EBF4: variants seen among roughly 807,000 people sequenced by gnomAD.
EBF4 encodes the protein EBF transcription factor 4.
In EBF4, 34 loss-of-function variants were observed where a neutral mutation model predicts 67.1. The ratio of observed to expected loss-of-function variants is 0.51; its 90% CI spans 0.39 to 0.67. EBF4 has a LOEUF of 0.67. Ranked by LOEUF, EBF4 falls within the 30% of genes least tolerant of loss-of-function variation. The pLI is 0.00. For synonymous variants in EBF4, 387 were observed against 377.7 expected (o/e 1.02, Z -0.29); for missense variants, 837 against 873.3 (o/e 0.96, Z 0.52).
chr20:2,709,511 A>G, intron 5 of EBF4, 63 bp from the exon 6 acceptor site: 1 of 1,467,146 alleles, frequency 6.8e-7, no homozygotes, highest in South Asian at 1.3e-5. Flanking sequence ...CACAACTCAC[A>G]CACTGTCGTG....
Position 2,709,494 on chromosome 20 carries a change from C to G in EBF4, c.489-80C>G, listed in dbSNP as rs375371377. 24 of 1,344,568 alleles carry G rather than the reference C, an allele frequency of 1.8e-5. No homozygotes were observed. The East Asian group carries it at 3.7e-4, about 21-fold the overall frequency. The allele number at this position is 1,344,568 out of a possible 1,614,324, so 83.3% of individuals were successfully genotyped here. A position where few individuals can be genotyped will look rare whatever the true frequency, so the allele number is the denominator to read the frequency against. On this transcript the variant is annotated intron_variant, in intron 5 of 16. Transcript: ENST00000609451. ...GGACATCAGCACCCTCAGCTCAGGGCGCCCCCCACAACTCACACACTGTCG... is the reference window on the plus strand; with the variant it reads ...GGACATCAGCACCCTCAGCTCAGGGGGCCCCCCACAACTCACACACTGTCG...
At chr20:2,723,695 T>G (rs1289252860) in intron 6 of EBF4, among the ~76,000 whole-genome samples, 2 of 152,256 alleles carry the variant, frequency 1.3e-5, no homozygotes, top group Non-Finnish European at 2.9e-5. Flanking sequence ...TTAAATCTAG[T>G]CTATTTTTTA....
At chr20:2,695,480 G>T (rs975259293) in intron 1 of EBF4, among the ~76,000 whole-genome samples, 5 of 136,714 alleles carry the variant, frequency 3.7e-5, no homozygotes, top group African/African-American at 1.5e-4. Flanking sequence ...GGGCCACATT[G>T]CTGGGATGCA....
At chr20:2,730,008 C>A (rs1411779213) in intron 6 of EBF4, among the ~76,000 whole-genome samples, 1 of 152,212 alleles carries the variant, frequency 6.6e-6, no homozygotes, top group Non-Finnish European at 1.5e-5. Context: ...TCTTTGAGAG[C>A]AAGTCAGTCA....
rs562635256 is a variant in EBF4, at chr20:2,711,972, G to A, written c.557+2330G>A. On this transcript the variant is annotated intron_variant, in intron 6 of 16. Coordinates refer to ENST00000609451, the Ensembl canonical transcript of EBF4. Reference sequence around the variant, plus strand: ...ATGTATCTGGGGGAAGAATATTCTCGGCAAGAGTGTGCCTGCTGTGTTTAA... The same window carrying A: ...ATGTATCTGGGGGAAGAATATTCTCAGCAAGAGTGTGCCTGCTGTGTTTAA... Among the ~76,000 whole-genome samples the A allele has an allele frequency of 3.4e-4, 52 of 152,306 alleles. 1 individual carries two copies. Among genetic ancestry groups the A allele is most frequent in the Middle Eastern group, 6.8e-3 (2 of 294 alleles).
intron 6 of EBF4, among the ~76,000 whole-genome samples, chr20:2,730,279 T>G (rs2087796182): frequency 6.6e-6 from 1 of 152,282 alleles, no homozygotes; most frequent in South Asian, 2.1e-4. Context: ...AATCTTCCCT[T>G]GCCTCTCTTA....
chr20:2,750,523 C>A (rs1241828468), intron 10 of EBF4, among the ~76,000 whole-genome samples: 4 of 152,018 alleles, frequency 2.6e-5, no homozygotes, highest in Non-Finnish European at 4.4e-5. Context: ...TCTATTTGGC[C>A]GCTGGCCGAG....
At chr20:2,695,393 T>C (rs758300697) in intron 1 of EBF4, among the ~76,000 whole-genome samples, 4 of 152,132 alleles carry the variant, frequency 2.6e-5, no homozygotes, top group Non-Finnish European at 5.9e-5. Flanking sequence ...CCCCAGAGCA[T>C]GGGCCACAGC....
intron 6 of EBF4, among the ~76,000 whole-genome samples, chr20:2,725,117 T>G (rs1217704091): frequency 1.3e-5 from 2 of 152,236 alleles, no homozygotes; most frequent in East Asian, 3.8e-4. Context: ...GCAAATTTCT[T>G]AGCCTTTGTC....
chr20:2,752,643 G>GC (rs2088174557), intron 14 of EBF4, 98 bp downstream of exon 14: 1 of 1,060,926 alleles, frequency 9.4e-7, no homozygotes, highest in African/African-American at 1.6e-5. Flanking sequence ...GGGCGCCGGC[G>GC]CCGTGAGAGT....
chr20:2,697,647 C>T (rs934420085), intron 1 of EBF4, among the ~76,000 whole-genome samples: 2 of 152,066 alleles, frequency 1.3e-5, no homozygotes, highest in African/African-American at 2.4e-5. Context: ...GAGAGGGCTG[C>T]CCTCTCCCTA....
intron 6 of EBF4, among the ~76,000 whole-genome samples, chr20:2,712,656 T>A (rs970422054): frequency 6.6e-6 from 1 of 152,074 alleles, no homozygotes; most frequent in African/African-American, 2.4e-5. Flanking sequence ...TTTGAATGAA[T>A]GAAATCATCG....
At chr20:2,742,402 G>GTTGTTTGT (rs779122371) in intron 6 of EBF4, among the ~76,000 whole-genome samples, 21 of 152,026 alleles carry the variant, frequency 1.4e-4, no homozygotes, top group African/African-American at 5.1e-4. Flanking sequence ...TTCTTTTTTT[G>GTTGTTTGT]TTGTTTGTTT....
At chr20:2,720,320 A>G (rs1787043405) in intron 6 of EBF4, among the ~76,000 whole-genome samples, 1 of 151,808 alleles carries the variant, frequency 6.6e-6, no homozygotes, top group South Asian at 2.1e-4. Context: ...CTGGTCTCGA[A>G]CTCCTGATCT....
chr20:2,696,644 T>A lies in EBF4; in HGVS notation c.137+2862T>A, dbSNP rs185761444. On this transcript the variant is annotated intron_variant, in intron 1 of 16. Transcript: ENST00000609451. The surrounding 1 kb of genome is among the most constrained non-coding windows in gnomAD (Gnocchi z 4.7). The stretch of plus-strand genomic sequence containing the variant: ...GGCAGGCAGTGGATACTTGGAGAAT[T>A]AGCTGCGCCTCCAGTAAGTGCTATG... Among the ~76,000 whole-genome samples, 144 of 152,180 alleles carry A rather than the reference T, an allele frequency of 9.5e-4. 1 individual carries two copies. The highest frequency in any genetic ancestry group is 2.9e-3 in the African/African-American group (122 of 41,516).
At chr20:2,748,729 A>T in intron 7 of EBF4, 99 bp downstream of exon 7, 1 of 1,341,538 alleles carries the variant, frequency 7.5e-7, no homozygotes, top group Non-Finnish European at 1.0e-6. Context: ...ACCCTGGGAA[A>T]GGCCTCCAAG....
intron 6 of EBF4, among the ~76,000 whole-genome samples, chr20:2,737,188 T>G (rs2087897631): frequency 6.8e-6 from 1 of 147,434 alleles, no homozygotes; most frequent in South Asian, 2.1e-4. Flanking sequence ...AGGCGGAGCT[T>G]GCAGTGAGCC....
chr20:2,719,362 C>T (rs1291886184), intron 6 of EBF4, among the ~76,000 whole-genome samples: 1 of 152,170 alleles, frequency 6.6e-6, no homozygotes, highest in African/African-American at 2.4e-5. Flanking sequence ...GCAACCTCCA[C>T]CTCCCAGGCT....
rs533185288 is a variant in EBF4 at position 2,705,533 on chromosome 20, C to A, written c.138-44C>A. 821 of 1,551,494 alleles carry A rather than the reference C, an allele frequency of 5.3e-4. 11 individuals are homozygous for A. In the African/African-American group the frequency reaches 9.8e-3, roughly 18 times the overall value. The stretch of plus-strand genomic sequence containing the variant: ...GCCCGAGGCGCTGGAGTCTTTCTCA[C>A]TGGGGGGCCTTCCAGTGGTTTTCCA... On this transcript the variant is annotated intron_variant, in intron 1 of 16. Transcript: ENST00000609451.
Sources: gnomAD v4.1 joint callset for allele counts (sites outside exome capture counted in the v4.1 genomes callset) on GRCh38, gnomAD v4.1.1 for gene constraint, Gnocchi (gnomAD v3.1) non-coding constraint, MANE v1.5 for transcripts, NCBI Gene and HGNC (gene_info 2026-07-23, HGNC 2026-07-21) for gene names.